Variants in PLCL1 observed in about 807,000 individuals in gnomAD.
PLCL1 encodes inactive phospholipase C-like protein 1.
In PLCL1, 41 loss-of-function variants were observed where a neutral mutation model predicts 84.4. The observed-to-expected ratio is 0.49, with a 90% CI of 0.38 to 0.63. The LOEUF is 0.63. PLCL1 is among the 30% of genes least tolerant of loss of function. The pLI is 0.00. For synonymous variants in PLCL1, 490 were observed against 488.3 expected (o/e 1.00, Z -0.05); for missense variants, 1,206 against 1,367.8 (o/e 0.88, Z 1.87).
intron 5 of PLCL1, among the ~76,000 whole-genome samples, chr2:198,124,723 A>G (rs1394000756): frequency 6.6e-6 from 1 of 152,166 alleles, no homozygotes; most frequent in Non-Finnish European, 1.5e-5. Context: ...AGAAGCAGCT[A>G]CTGCATTCAG....
chr2:197,831,565 A>C lies in PLCL1; in HGVS notation c.240+26226A>C, dbSNP rs1691067033. 3.9e-5 allele frequency among the ~76,000 whole-genome samples: 6 copies of C among 152,366 alleles called. No individual in the cohort carries two copies. In the South Asian group the frequency reaches 1.2e-3, roughly 32 times the overall value. On this transcript the variant is annotated intron_variant, in intron 1 of 5. Transcript: ENST00000428675. ...CAGAGACTTAGACTCCCACACAATA[A>C]TAGTAGGAGACTTTAACACCCCACT...
chr2:197,847,792 C>G (rs1448717872), intron 1 of PLCL1, among the ~76,000 whole-genome samples: 3 of 152,166 alleles, frequency 2.0e-5, no homozygotes, highest in African/African-American at 7.2e-5. Context: ...CAAGCTGTCT[C>G]CCTATTGTAT....
intron 5 of PLCL1, among the ~76,000 whole-genome samples, chr2:198,135,862 A>C (rs2105940765): frequency 6.6e-6 from 1 of 152,266 alleles, no homozygotes; most frequent in Admixed American, 6.5e-5. Flanking sequence ...GCTGTTTTAC[A>C]TTTTTTATTC....
chr2:197,825,016 G>T (rs1375936597), intron 1 of PLCL1, among the ~76,000 whole-genome samples: 1 of 151,922 alleles, frequency 6.6e-6, no homozygotes, highest in African/African-American at 2.4e-5. Flanking sequence ...TTTTTCTGCA[G>T]GTTTTTTGAC....
At chr2:197,840,450 A>G (rs550783511) in intron 1 of PLCL1, among the ~76,000 whole-genome samples, 1 of 152,174 alleles carries the variant, frequency 6.6e-6, no homozygotes, top group East Asian at 1.9e-4. Flanking sequence ...TCAAACCTGA[A>G]TTTTTATGTA....
Position 198,149,783 on chromosome 2 carries a change from CTG to C in PLCL1, c.*2823_*2824del, listed in dbSNP as rs1694600775. 1 of 151,982 alleles carries C rather than the reference CTG, an allele frequency of 6.6e-6. No individual in the cohort carries two copies. 9.4% of individuals were successfully genotyped at this position (151,982 alleles called of 1,614,324 possible). ...TAACAAAATTGAGATATTATATAAA[CTG>C]TTTGTAGCAGGGTGTTTAAAATTTT... On this transcript the variant is annotated 3_prime_UTR_variant, in exon 6 of 6. Transcript: ENST00000428675.
At chr2:197,843,361 A>G (rs1334037844) in intron 1 of PLCL1, among the ~76,000 whole-genome samples, 1 of 152,218 alleles carries the variant, frequency 6.6e-6, no homozygotes, top group African/African-American at 2.4e-5. Flanking sequence ...ATTAATCACT[A>G]ATTAAAAGAA....
intron 1 of PLCL1, among the ~76,000 whole-genome samples, chr2:198,081,872 CT>C (rs1692722103): frequency 6.6e-6 from 1 of 152,262 alleles, no homozygotes; most frequent in South Asian, 2.1e-4. Flanking sequence ...ATATTTTACC[CT>C]GTTTTAAAAT....
At chr2:197,899,063 A>G (rs951807639) in intron 1 of PLCL1, among the ~76,000 whole-genome samples, 3 of 152,152 alleles carry the variant, frequency 2.0e-5, no homozygotes, top group African/African-American at 7.2e-5. Context: ...TTGAGTGTCT[A>G]GTATACAACT....
intron 1 of PLCL1, among the ~76,000 whole-genome samples, chr2:197,874,894 T>C (rs1287510005): frequency 6.6e-6 from 1 of 152,184 alleles, no homozygotes; most frequent in Non-Finnish European, 1.5e-5. Context: ...AATGAAATAC[T>C]ATGCAGTGAT....
chr2:198,129,662 G>T (rs1031648344), intron 5 of PLCL1, among the ~76,000 whole-genome samples: 4 of 152,068 alleles, frequency 2.6e-5, no homozygotes, highest in Non-Finnish European at 4.4e-5. Context: ...TACAGAATTT[G>T]GCTTGCTTTT....
intron 1 of PLCL1, among the ~76,000 whole-genome samples, chr2:197,834,677 AG>A (rs1381639191): frequency 6.6e-6 from 1 of 152,236 alleles, no homozygotes; most frequent in Non-Finnish European, 1.5e-5. Context: ...ATGGAGAAAT[AG>A]GAACGCTTGT....
chr2:197,914,249 G>T lies in PLCL1; in HGVS notation c.240+108910G>T, dbSNP rs189683185. Among the ~76,000 whole-genome samples the T allele has an allele frequency of 1.8e-4, 27 of 150,956 alleles. No homozygotes were observed. In the South Asian group the frequency reaches 2.7e-3, roughly 15 times the overall value. On this transcript the variant is annotated intron_variant, in intron 1 of 5. Transcript: ENST00000428675. Reference sequence around the variant, plus strand: ...ACAGACATCATGACATGGGTGTAAAGAAAAAGCAAAAAGTGAATATCTGAT... The same window carrying T: ...ACAGACATCATGACATGGGTGTAAATAAAAAGCAAAAAGTGAATATCTGAT...
chr2:197,887,543 T>C (rs1687945358), intron 1 of PLCL1, among the ~76,000 whole-genome samples: 1 of 152,216 alleles, frequency 6.6e-6, no homozygotes, highest in Admixed American at 6.5e-5. Context: ...AGTAACTTTT[T>C]CCTATACCAT....
chr2:197,961,676 C>T (rs1190465763), intron 1 of PLCL1, among the ~76,000 whole-genome samples: 1 of 151,834 alleles, frequency 6.6e-6, no homozygotes, highest in Non-Finnish European at 1.5e-5. Context: ...AGCTTAGGTC[C>T]TAGGGCCATG....
chr2:198,121,917 G>C (rs144508097), intron 5 of PLCL1, among the ~76,000 whole-genome samples: 27 of 151,978 alleles, frequency 1.8e-4, no homozygotes, highest in African/African-American at 6.0e-4. Flanking sequence ...CAGGCAACTG[G>C]TGACTGTTCT....
At chr2:197,931,280 C>T (rs1241890502) in intron 1 of PLCL1, among the ~76,000 whole-genome samples, 1 of 152,108 alleles carries the variant, frequency 6.6e-6, no homozygotes, top group African/African-American at 2.4e-5. Flanking sequence ...TTAAACTTTC[C>T]TCACCCACCT....
intron 1 of PLCL1, among the ~76,000 whole-genome samples, chr2:197,822,168 A>T (rs1690828992): frequency 6.6e-6 from 1 of 152,114 alleles, no homozygotes; most frequent in Admixed American, 6.6e-5. Context: ...TGTCTGAAAG[A>T]TCCTGTGGTG....
chr2:198,110,629 G>C (rs1192956139), intron 5 of PLCL1, among the ~76,000 whole-genome samples: 2 of 151,936 alleles, frequency 1.3e-5, no homozygotes, highest in Non-Finnish European at 2.9e-5. Context: ...CTGAGTGAGA[G>C]TGAGAAGTGG....
Sources: allele counts gnomAD v4.1 joint callset (sites outside exome capture counted in the v4.1 genomes callset), GRCh38; gene constraint gnomAD v4.1.1; transcripts MANE v1.5; gene names NCBI Gene and HGNC (gene_info 2026-07-23, HGNC 2026-07-21).